SAMD12: variants seen among roughly 807,000 people sequenced by gnomAD.
The protein encoded by SAMD12 is sterile alpha motif domain-containing protein 12.
In SAMD12, 9 loss-of-function variants were observed where a neutral mutation model predicts 15.0. The ratio of observed to expected loss-of-function variants is 0.60; its 90% CI spans 0.36 to 1.05. The LOEUF is 1.05. SAMD12 is among the 50% of genes least tolerant of loss of function. SAMD12 has a pLI of 0.01. For synonymous variants in SAMD12, 86 were observed against 90.1 expected (o/e 0.96, Z 0.25); for missense variants, 230 against 234.2 (o/e 0.98, Z 0.12).
intron 2 of SAMD12, among the ~76,000 whole-genome samples, chr8:118,578,815 T>C (rs1827215654): frequency 6.6e-6 from 1 of 152,152 alleles, no homozygotes; most frequent in African/African-American, 2.4e-5. Flanking sequence ...AAGCCTCTAG[T>C]CTGTTCACCC....
intron 4 of SAMD12, among the ~76,000 whole-genome samples, chr8:118,228,337 C>A (rs6981729): frequency 0.83 from 126,216 of 152,186 alleles, 53,664 homozygotes; most frequent in Non-Finnish European, 0.92. Context: ...TCGGCAGAGT[C>A]AACAGAAAAC....
intron 4 of SAMD12, among the ~76,000 whole-genome samples, chr8:118,329,930 C>G (rs1364967941): frequency 6.6e-6 from 1 of 151,870 alleles, no homozygotes. Context: ...AGAACCTCTC[C>G]CATATTAAGA....
intron 4 of SAMD12, among the ~76,000 whole-genome samples, chr8:118,371,870 G>T (rs1586619629): frequency 6.6e-6 from 1 of 152,122 alleles, no homozygotes; most frequent in Non-Finnish European, 1.5e-5. Context: ...TATTTGGGAC[G>T]TGGCAGAAGA....
chr8:118,576,010 C>G (rs947475602), intron 2 of SAMD12, among the ~76,000 whole-genome samples: 1 of 151,516 alleles, frequency 6.6e-6, no homozygotes, highest in Middle Eastern at 3.2e-3. Flanking sequence ...TTTTAAATGA[C>G]TGAAGTCCTT....
chr8:118,454,977 T>C (rs540788108), intron 2 of SAMD12, among the ~76,000 whole-genome samples: 3 of 152,316 alleles, frequency 2.0e-5, no homozygotes, highest in Non-Finnish European at 2.9e-5. Flanking sequence ...TCCCTCCTTT[T>C]TGAGGATGAA....
intron 4 of SAMD12, among the ~76,000 whole-genome samples, chr8:118,229,740 C>T (rs1245009290): frequency 2.6e-5 from 4 of 152,174 alleles, no homozygotes; most frequent in African/African-American, 7.2e-5. Context: ...ACTCTCTCTC[C>T]AGTCTCCCCC....
intron 4 of SAMD12, among the ~76,000 whole-genome samples, chr8:118,291,718 G>C (rs1814378182): frequency 6.6e-6 from 1 of 151,682 alleles, no homozygotes; most frequent in Non-Finnish European, 1.5e-5. Flanking sequence ...AGAAAAGCTA[G>C]AGGAACATGA....
At chr8:118,137,703 A>G in the SAMD12 span, among the ~76,000 whole-genome samples, 2 of 152,228 alleles carry the variant, frequency 1.3e-5, no homozygotes, top group African/African-American at 4.8e-5. Context: ...CATTGGAAGA[A>G]GAATTGTCTT....
intron 4 of SAMD12, among the ~76,000 whole-genome samples, chr8:118,341,901 A>T (rs940655671): frequency 6.6e-6 from 1 of 152,262 alleles, no homozygotes; most frequent in African/African-American, 2.4e-5. Context: ...AATTTTCTGA[A>T]ACCGTCTGTG....
the SAMD12 span, among the ~76,000 whole-genome samples, chr8:118,147,031 C>CT: frequency 0.56 from 83,783 of 149,122 alleles, 23,823 homozygotes; most frequent in Middle Eastern, 0.64. Context: ...GAGGCAGGAA[C>CT]TTTTTTTTTT....
intron 3 of SAMD12, among the ~76,000 whole-genome samples, chr8:118,429,632 G>A (rs1166865456): frequency 6.6e-6 from 1 of 152,160 alleles, no homozygotes; most frequent in Admixed American, 6.5e-5. Flanking sequence ...GGTGGCTCAT[G>A]CCTGTAATCC....
At chr8:118,313,520 G>A (rs1295118187) in intron 4 of SAMD12, among the ~76,000 whole-genome samples, 1 of 152,052 alleles carries the variant, frequency 6.6e-6, no homozygotes, top group Non-Finnish European at 1.5e-5. Flanking sequence ...AAGTGCTAAA[G>A]TTTATCAAGA....
At position 118,288,645 on chromosome 8, in the gene SAMD12, C is replaced by G. The variant is rs140532385; in HGVS notation, c.434-90913G>C. Among the ~76,000 whole-genome samples the G allele has an allele frequency of 5.3e-3, 811 of 152,202 alleles. 2 individuals are homozygous for G. The highest frequency in any genetic ancestry group is 0.011 in the Admixed American group (172 of 15,294). Reference sequence around the variant, plus strand: ...TGACTAGTATATAATTATACAAGAACAGAGCTATTTAGTTAGAAAAAATAA... The same window carrying G: ...TGACTAGTATATAATTATACAAGAAGAGAGCTATTTAGTTAGAAAAAATAA... On this transcript the variant is annotated intron_variant, in intron 4 of 4. Coordinates refer to the SAMD12 transcript ENST00000409003.
chr8:118,344,002 G>A (rs1817504193), intron 4 of SAMD12, among the ~76,000 whole-genome samples: 1 of 152,140 alleles, frequency 6.6e-6, no homozygotes, highest in Admixed American at 6.5e-5. Context: ...ATAGTACATG[G>A]TCATTACATG....
At chr8:118,536,443 A>AACAC (rs1165508519) in intron 2 of SAMD12, among the ~76,000 whole-genome samples, 5,233 of 140,704 alleles carry the variant, frequency 0.037, 106 homozygotes, top group Middle Eastern at 0.044. Flanking sequence ...CTGATACACA[A>AACAC]ACACACACAC....
intron 2 of SAMD12, among the ~76,000 whole-genome samples, chr8:118,565,800 G>T (rs1222573452): frequency 6.6e-6 from 1 of 152,154 alleles, no homozygotes; most frequent in African/African-American, 2.4e-5. Flanking sequence ...CCAGTTAGCT[G>T]CTCAAACCAG....
At chr8:118,232,995 G>T (rs998502371) in intron 4 of SAMD12, among the ~76,000 whole-genome samples, 1 of 152,130 alleles carries the variant, frequency 6.6e-6, no homozygotes, top group Non-Finnish European at 1.5e-5. Flanking sequence ...CAGAGAAACC[G>T]ATCAGAGCAT....
chr8:118,194,562 A>G (rs1819502208), exon 5 of SAMD12: 1 of 152,156 alleles, frequency 6.6e-6, no homozygotes, highest in South Asian at 2.1e-4. Flanking sequence ...CCTTTCCTGC[A>G]CAAGTCTGGG....
At chr8:118,568,782 C>T (rs1185936150) in intron 2 of SAMD12, among the ~76,000 whole-genome samples, 1 of 152,172 alleles carries the variant, frequency 6.6e-6, no homozygotes, top group Non-Finnish European at 1.5e-5. Context: ...ACCATTAACA[C>T]TACTACAGTA....
Sources: gnomAD v4.1 joint callset for allele counts (sites outside exome capture counted in the v4.1 genomes callset) on GRCh38, gnomAD v4.1.1 for gene constraint, MANE v1.5 for transcripts, NCBI Gene and HGNC (gene_info 2026-07-23, HGNC 2026-07-21) for gene names.